The following LYZL1 variants were observed in gnomAD, a reference collection of about 807,000 sequenced individuals.
The protein encoded by LYZL1 is lysozyme-like protein 1.
Under a neutral mutation model 17.9 loss-of-function variants are expected in LYZL1, and 16 were observed. That is an observed-to-expected ratio of 0.90 (90% CI 0.61 to 1.36). LYZL1 has a LOEUF of 1.36. LYZL1 is among the 40% of genes most tolerant of loss of function. The pLI, the probability that LYZL1 is intolerant of heterozygous loss-of-function variation, is 0.00. For missense variants in LYZL1, 149 were observed against 188.4 expected (o/e 0.79, Z 1.22); for synonymous variants, 58 against 71.8 (o/e 0.81, Z 0.97).
intron 3 of LYZL1, among the ~76,000 whole-genome samples, chr10:29,317,100 A>C (rs1484211523): frequency 6.6e-6 from 1 of 152,190 alleles, no homozygotes; most frequent in Non-Finnish European, 1.5e-5. Context: ...TTAATACGAC[A>C]CAAGATTTTC....
chr10:29,312,390 G>A (rs894612155), downstream of LYZL1, among the ~76,000 whole-genome samples: 1 of 147,462 alleles, frequency 6.8e-6, no homozygotes, highest in Non-Finnish European at 1.5e-5. Flanking sequence ...TTTTTTTTTT[G>A]TGATTTCTCT....
At chr10:29,306,839 TGAGAGAGAGAGA>T (rs146929957) in intron 3 of LYZL1, among the ~76,000 whole-genome samples, 86 of 139,090 alleles carry the variant, frequency 6.2e-4, no homozygotes, top group South Asian at 1.6e-3. Flanking sequence ...TGAAAGAGAT[TGAGAGAGAGAGA>T]GAGAGAGAGA....
At chr10:29,314,218 T>A (rs576933247), downstream of LYZL1, among the ~76,000 whole-genome samples, 7 of 152,158 alleles carry the variant, frequency 4.6e-5, no homozygotes, top group Non-Finnish European at 1.0e-4. Flanking sequence ...AACACATGGC[T>A]GGTGTGTGCT....
intron 2 of LYZL1, among the ~76,000 whole-genome samples, 178 bp downstream of exon 2, chr10:29,292,184 C>A (rs1366424485): frequency 4.7e-5 from 7 of 150,520 alleles, no homozygotes; most frequent in African/African-American, 1.7e-4. Flanking sequence ...TCCTCCCCTG[C>A]CCCTCATTTC....
chr10:29,303,864 T>G (rs1835554444), intron 3 of LYZL1, among the ~76,000 whole-genome samples: 1 of 152,258 alleles, frequency 6.6e-6, no homozygotes, highest in Admixed American at 6.5e-5. Flanking sequence ...CATTAGGGTG[T>G]GTTTACAAGG....
chr10:29,306,867 A>AG (rs1835604068), intron 3 of LYZL1, among the ~76,000 whole-genome samples: 1 of 148,886 alleles, frequency 6.7e-6, no homozygotes, highest in Admixed American at 6.7e-5. Context: ...AGAGAGAGAG[A>AG]AGAACACTTA....
chr10:29,310,326 C>T (rs2281942), intron 4 of LYZL1, 138 bp downstream of exon 4: 49,347 of 638,254 alleles, frequency 0.077, 2,480 homozygotes, highest in African/African-American at 0.19. Context: ...TCTATATTCT[C>T]CTCCATCAGT....
intron 2 of LYZL1, among the ~76,000 whole-genome samples, chr10:29,292,263 A>G (rs1005815843): frequency 6.6e-6 from 1 of 150,626 alleles, no homozygotes; most frequent in African/African-American, 2.4e-5. Context: ...CTCTGCTGGC[A>G]TTGTGGGGAG....
intron 3 of LYZL1, among the ~76,000 whole-genome samples, chr10:29,296,953 C>T (rs1408077431): frequency 2.6e-5 from 4 of 151,648 alleles, no homozygotes; most frequent in Non-Finnish European, 1.5e-5. Flanking sequence ...AAGCAAAAAC[C>T]AAACAGATAA....
chr10:29,314,264 C>T (rs1266726985), downstream of LYZL1, among the ~76,000 whole-genome samples: 2 of 152,200 alleles, frequency 1.3e-5, no homozygotes, highest in Non-Finnish European at 2.9e-5. Context: ...TGTCCTCATC[C>T]AACCTGTAAG....
downstream of LYZL1, among the ~76,000 whole-genome samples, chr10:29,314,203 C>A (rs1021718274): frequency 6.6e-6 from 1 of 152,196 alleles, no homozygotes; most frequent in Non-Finnish European, 1.5e-5. Context: ...AAGCTCTTGC[C>A]TCTGAACACA....
At chr10:29,313,782 C>T (rs1835699336), downstream of LYZL1, among the ~76,000 whole-genome samples, 1 of 152,148 alleles carries the variant, frequency 6.6e-6, no homozygotes, top group Non-Finnish European at 1.5e-5. Context: ...ACTCATATTC[C>T]CCTTTATAGT....
rs891869569 is a variant in LYZL1, at chr10:29,311,113, T to C, written c.*54T>C. 1.2e-6 allele frequency: 2 copies of C among 1,613,914 alleles called. No individual in the cohort carries two copies. The highest frequency in any genetic ancestry group is 1.3e-5 in the African/African-American group (1 of 74,944). On this transcript the variant is annotated 3_prime_UTR_variant, in exon 5 of 5. Coordinates refer to ENST00000649382, the MANE Select transcript of LYZL1 (RefSeq NM_032517.6). ...GCAACGCCCTAGGATTTGCAGTGAA[T>C]GTCCAAATGCCTGTGTCATCTTGTC...
At chr10:29,304,534 C>CT (rs1835565822) in intron 3 of LYZL1, among the ~76,000 whole-genome samples, 1 of 152,096 alleles carries the variant, frequency 6.6e-6, no homozygotes, top group South Asian at 2.1e-4. Flanking sequence ...GACTGAAGCT[C>CT]TTTTTGTGTA....
At chr10:29,300,909 C>A (rs1308702845) in intron 3 of LYZL1, among the ~76,000 whole-genome samples, 1 of 152,186 alleles carries the variant, frequency 6.6e-6, no homozygotes, top group Non-Finnish European at 1.5e-5. Context: ...GCAGCCTCAA[C>A]TTCCTGGGCT....
downstream of LYZL1, among the ~76,000 whole-genome samples, chr10:29,314,666 A>G (rs560141917): frequency 2.0e-5 from 3 of 152,342 alleles, no homozygotes; most frequent in African/African-American, 7.2e-5. Context: ...CACTGGACAC[A>G]TGTGGAATCA....
At chr10:29,291,025 T>C (rs1017550539) in intron 1 of LYZL1, among the ~76,000 whole-genome samples, 1 of 152,164 alleles carries the variant, frequency 6.6e-6, no homozygotes, top group African/African-American at 2.4e-5. Flanking sequence ...TGAAATGGGC[T>C]GTCTGTTTCT....
rs117118430 is a variant in LYZL1 at position 29,308,873 on chromosome 10, G to A, written c.299-1237G>A. ...CCAGCTACTTGAGAGGCTCAGGTGG[G>A]AGGATCACTTAAGCCCAGGAGGTTG... On this transcript the variant is annotated intron_variant, in intron 3 of 4. Transcript: ENST00000649382. 5.6e-4 allele frequency among the ~76,000 whole-genome samples: 86 copies of A among 152,244 alleles called. 1 individual carries two copies. The East Asian group carries it at 0.016, about 27-fold the overall frequency.
At chr10:29,290,121 C>A (rs1189880736) in intron 1 of LYZL1, among the ~76,000 whole-genome samples, 2 of 152,164 alleles carry the variant, frequency 1.3e-5, no homozygotes, top group East Asian at 3.9e-4. Context: ...CCTTTCAATG[C>A]AGGAATCCAG....
Sources: allele counts gnomAD v4.1 joint callset (sites outside exome capture counted in the v4.1 genomes callset), GRCh38; gene constraint gnomAD v4.1.1; transcripts MANE v1.5; gene names NCBI Gene and HGNC (gene_info 2026-07-23, HGNC 2026-07-21).